Variants in DLC1 observed in about 807,000 individuals in gnomAD.
DLC1 encodes rho GTPase-activating protein 7.
A neutral mutation model predicts 140.3 loss-of-function variants in DLC1; 54 were observed. The observed-to-expected ratio is 0.38, with a 90% confidence interval of 0.31 to 0.48. The LOEUF (loss-of-function observed/expected upper bound fraction) is 0.48. DLC1 is among the 20% of genes least tolerant of loss of function. The pLI, the probability that DLC1 is intolerant of heterozygous loss-of-function variation, is 0.96. For synonymous variants in DLC1, 986 were observed against 728.1 expected (o/e 1.35, Z -5.70); for missense variants, 2,536 against 1,907.0 (o/e 1.33, Z -6.14).
intron 5 of DLC1, among the ~76,000 whole-genome samples, chr8:13,191,054 G>A (rs1826723538): frequency 6.6e-6 from 1 of 152,156 alleles, no homozygotes; most frequent in South Asian, 2.1e-4. Flanking sequence ...AAGTAGAAAT[G>A]GGTTTCCATC....
rs558180209 is a variant in DLC1 at position 13,225,723 on chromosome 8, C to T, written c.1348+79546G>A. Among the ~76,000 whole-genome samples the T allele has an allele frequency of 1.3e-4, 19 of 151,234 alleles. 1 individual carries two copies. The South Asian group carries it at 4.0e-3, about 32-fold the overall frequency. On this transcript the variant is annotated intron_variant, in intron 5 of 17. Coordinates refer to ENST00000276297, the MANE Select transcript of DLC1 (RefSeq NM_182643.3). Reference sequence around the variant, plus strand: ...CTCCGCCTCCTGGGTTCACACCATTCTCTTGCCTCAGCCTCCTGAGTAGCT... The same window carrying T: ...CTCCGCCTCCTGGGTTCACACCATTTTCTTGCCTCAGCCTCCTGAGTAGCT...
chr8:13,273,567 G>T (rs549820684), intron 5 of DLC1, among the ~76,000 whole-genome samples: 5 of 152,222 alleles, frequency 3.3e-5, no homozygotes, highest in African/African-American at 4.8e-5. Flanking sequence ...TTTATAAAAG[G>T]CTGCAGATGC....
intron 5 of DLC1, among the ~76,000 whole-genome samples, chr8:13,297,421 C>G (rs1408685742): frequency 6.6e-6 from 1 of 151,834 alleles, no homozygotes; most frequent in East Asian, 1.9e-4. Context: ...AAAATTTTCA[C>G]GTCTTGCTAA....
At chr8:13,088,766 G>T in intron 15 of DLC1, 62 bp from the exon 16 acceptor site, 9 of 1,482,742 alleles carry the variant, frequency 6.1e-6, no homozygotes, top group South Asian at 1.2e-5. Context: ...TTTTGAAGTC[G>T]AATTGTTAGT....
intron 1 of DLC1, among the ~76,000 whole-genome samples, chr8:13,541,608 G>A (rs927708106): frequency 6.6e-6 from 1 of 152,150 alleles, no homozygotes; most frequent in Non-Finnish European, 1.5e-5. Context: ...GGTGTGCAGT[G>A]GCGCGATCTC....
chr8:13,088,461 C>A (rs1175576100), intron 16 of DLC1, 26 bp downstream of exon 16: 1 of 1,612,700 alleles, frequency 6.2e-7, no homozygotes, highest in African/African-American at 1.3e-5. Context: ...ATCCTTGTCA[C>A]AAAAAAACAA....
chr8:13,364,046 T>G (rs967870697), intron 4 of DLC1, among the ~76,000 whole-genome samples: 1 of 152,170 alleles, frequency 6.6e-6, no homozygotes, highest in Non-Finnish European at 1.5e-5. Context: ...TATGTGTGTG[T>G]GTGCGCACGT....
intron 5 of DLC1, among the ~76,000 whole-genome samples, chr8:13,201,111 T>C (rs1056805400): frequency 4.0e-5 from 6 of 151,192 alleles, no homozygotes; most frequent in African/African-American, 1.2e-4. Context: ...TAAAACAAAT[T>C]GGCAATTGAG....
intron 2 of DLC1, among the ~76,000 whole-genome samples, chr8:13,490,878 A>G (rs1801202489): frequency 6.6e-6 from 1 of 151,902 alleles, no homozygotes; most frequent in African/African-American, 2.4e-5. Flanking sequence ...ATCACTGATT[A>G]GATCAGAGGC....
intron 10 of DLC1, among the ~76,000 whole-genome samples, chr8:13,097,595 G>A (rs375339556): frequency 6.6e-6 from 1 of 152,182 alleles, no homozygotes; most frequent in Non-Finnish European, 1.5e-5. Flanking sequence ...GCATGAATAC[G>A]GTTATAAGAC....
intron 4 of DLC1, among the ~76,000 whole-genome samples, chr8:13,374,828 C>T (rs1396455058): frequency 2.0e-5 from 3 of 152,148 alleles, no homozygotes; most frequent in Non-Finnish European, 4.4e-5. Flanking sequence ...TATCCATGAG[C>T]ATGGAATGTT....
At chr8:13,491,361 A>G (rs1279325170) in intron 2 of DLC1, among the ~76,000 whole-genome samples, 1 of 151,952 alleles carries the variant, frequency 6.6e-6, no homozygotes, top group Non-Finnish European at 1.5e-5. Context: ...AAGCTATGGA[A>G]TTTCTAGACC....
chr8:13,591,017 T>A (rs772704729), intron 1 of DLC1, among the ~76,000 whole-genome samples: 1 of 152,212 alleles, frequency 6.6e-6, no homozygotes, highest in African/African-American at 2.4e-5. Context: ...GTACTTTCAA[T>A]TGACATTGAA....
rs1356629755 is a variant in DLC1, at chr8:13,084,724, G to A, written c.*1087C>T. 6.6e-6 allele frequency: 1 copy of A among 152,118 alleles called. No individual in the cohort carries two copies. The highest frequency in any genetic ancestry group is 1.5e-5 in the Non-Finnish European group (1 of 68,020). 9.4% of individuals were successfully genotyped at this position (152,118 alleles called of 1,614,324 possible). On this transcript the variant is annotated 3_prime_UTR_variant, in exon 18 of 18. Coordinates refer to ENST00000276297, the MANE Select transcript of DLC1 (RefSeq NM_182643.3). ...ATGAATAAACACATGTGGCTTTCAGGAATGCCGTTAACAACCAAAGGCGGG... is the reference window on the plus strand; with the variant it reads ...ATGAATAAACACATGTGGCTTTCAGAAATGCCGTTAACAACCAAAGGCGGG...
chr8:13,133,037 G>A lies in DLC1; in HGVS notation c.1349-17380C>T, dbSNP rs1822254605. The A allele has an allele frequency of 2.9e-5, 46 of 1,581,782 alleles. No individual in the cohort carries two copies. The South Asian group carries it at 4.8e-4, about 17-fold the overall frequency. ...GGGGAAGTCGAGGCAGGCGGAGGCG[G>A]CTCGGCTTCCGCGTCGGGACCCACG... On this transcript the variant is annotated intron_variant, in intron 5 of 17. Coordinates refer to ENST00000276297, the MANE Select transcript of DLC1 (RefSeq NM_182643.3).
intron 2 of DLC1, among the ~76,000 whole-genome samples, chr8:13,471,512 G>C (rs1017664434): frequency 2.0e-5 from 3 of 147,628 alleles, no homozygotes; most frequent in Non-Finnish European, 3.0e-5. Context: ...AAAGGAGGGA[G>C]GGAAAGGAGG....
intron 1 of DLC1, among the ~76,000 whole-genome samples, chr8:13,547,513 G>A (rs1166305729): frequency 2.0e-5 from 3 of 152,020 alleles, no homozygotes; most frequent in African/African-American, 7.2e-5. Context: ...CCAGGATAAT[G>A]ATTCTCTACA....
chr8:13,247,880 C>T (rs375453314), intron 5 of DLC1, among the ~76,000 whole-genome samples: 7 of 152,268 alleles, frequency 4.6e-5, no homozygotes, highest in South Asian at 2.1e-4. Flanking sequence ...TATCCATAAC[C>T]GCTCAAAGTT....
At chr8:13,138,291 C>T (rs1292726561) in intron 5 of DLC1, among the ~76,000 whole-genome samples, 1 of 152,132 alleles carries the variant, frequency 6.6e-6, no homozygotes, top group African/African-American at 2.4e-5. Flanking sequence ...TTAACAAGAG[C>T]TGAAAGATTT....
Sources: allele counts gnomAD v4.1 joint callset (sites outside exome capture counted in the v4.1 genomes callset), GRCh38; gene constraint gnomAD v4.1.1; transcripts MANE v1.5; gene names NCBI Gene and HGNC (gene_info 2026-07-23, HGNC 2026-07-21).